The following CCDC178 variants were observed in gnomAD, a reference collection of about 807,000 sequenced individuals.
The protein encoded by CCDC178 is coiled-coil domain-containing protein 178.
Under a neutral mutation model 117.4 loss-of-function variants are expected in CCDC178, and 126 were observed. That is an observed-to-expected ratio of 1.07 (90% CI 0.93 to 1.24). CCDC178 has a LOEUF of 1.24. Ranked by LOEUF, CCDC178 falls within the 50% of genes most tolerant of loss-of-function variation. CCDC178 has a pLI of 0.00. For synonymous variants in CCDC178, 283 were observed against 313.4 expected, an observed-to-expected ratio of 0.90 and a Z score of 1.02; for missense variants, 1,030 against 986.9, an observed-to-expected ratio of 1.04 and a Z score of -0.59.
chr18:33,020,312 C>T (rs1005302490), intron 21 of CCDC178, among the ~76,000 whole-genome samples: 15 of 151,824 alleles, frequency 9.9e-5, no homozygotes, highest in Non-Finnish European at 1.3e-4. Context: ...TGTTGTTCTC[C>T]GTTAAACAAA....
intron 14 of CCDC178, among the ~76,000 whole-genome samples, chr18:33,263,070 G>C (rs975798822): frequency 2.0e-5 from 3 of 152,076 alleles, no homozygotes; most frequent in Admixed American, 6.6e-5. Context: ...AACCTCCCTA[G>C]TAATCAAATA....
intron 11 of CCDC178, among the ~76,000 whole-genome samples, chr18:33,296,870 C>T (rs1477451945): frequency 6.6e-6 from 1 of 151,928 alleles, no homozygotes; most frequent in African/African-American, 2.4e-5. Context: ...ACTAAAAATA[C>T]AAAATTAGCC....
At chr18:32,978,080 C>T (rs933624821) in intron 21 of CCDC178, among the ~76,000 whole-genome samples, 2 of 151,826 alleles carry the variant, frequency 1.3e-5, no homozygotes, top group South Asian at 2.1e-4. Flanking sequence ...ATTCAGTTGT[C>T]TGTATTCTAG....
At chr18:33,303,693 C>T (rs1463697436) in intron 11 of CCDC178, among the ~76,000 whole-genome samples, 1 of 150,980 alleles carries the variant, frequency 6.6e-6, no homozygotes, top group Non-Finnish European at 1.5e-5. Context: ...AAAAAAAAAA[C>T]TATGAAAAAA....
chr18:33,222,284 CTTCCTTCCTTCCT>C lies in CCDC178; in HGVS notation c.1932+809_1932+821del, dbSNP rs1316616530. On this transcript the variant is annotated intron_variant, in intron 18 of 22. Transcript: ENST00000383096. ...TCCTGCCTCCTTCCTTCTTTCCTTC[CTTCCTTCCTTCCT>C]TTCCTTCCTTCCTCCCTTCTTCCCT... Among the ~76,000 whole-genome samples, 20 of 148,736 alleles carry C rather than the reference CTTCCTTCCTTCCT, an allele frequency of 1.3e-4. No homozygotes were observed. In the East Asian group the frequency reaches 3.4e-3, roughly 25 times the overall value.
At chr18:32,972,229 CT>C in intron 22 of CCDC178, among the ~76,000 whole-genome samples, 1 of 152,230 alleles carries the variant, frequency 6.6e-6, no homozygotes, top group African/African-American at 2.4e-5. Context: ...TTTCAGTTTT[CT>C]GCATATGGCT....
chr18:33,202,346 T>G (rs1048099579), intron 20 of CCDC178, among the ~76,000 whole-genome samples: 1 of 121,388 alleles, frequency 8.2e-6, no homozygotes, highest in African/African-American at 3.3e-5. Context: ...TGAGCCGAGA[T>G]CGCGCCACTG....
intron 11 of CCDC178, among the ~76,000 whole-genome samples, chr18:33,315,133 C>T (rs1171610454): frequency 6.6e-6 from 1 of 152,228 alleles, no homozygotes; most frequent in Non-Finnish European, 1.5e-5. Context: ...TCTGCAACCT[C>T]ACAACAGGTA....
chr18:33,193,533 T>G (rs2058888666), intron 20 of CCDC178, among the ~76,000 whole-genome samples: 1 of 152,218 alleles, frequency 6.6e-6, no homozygotes, highest in Admixed American at 6.5e-5. Flanking sequence ...TAACTCCACA[T>G]TGTACAAAAC....
At chr18:32,994,847 A>AT (rs1382849230) in intron 21 of CCDC178, among the ~76,000 whole-genome samples, 2 of 152,228 alleles carry the variant, frequency 1.3e-5, no homozygotes, top group Non-Finnish European at 2.9e-5. Context: ...TGTGAAAGGG[A>AT]TAAAAATAAG....
rs548848704 is a variant in CCDC178 at position 33,361,429 on chromosome 18, GACA to G, written c.349-5086_349-5084del. ...GGAAAAGCTCCTTCACATTGGTCTT[GACA>G]ACAACTTTTGGGAATCACACCAAAA... On this transcript the variant is annotated intron_variant, in intron 6 of 22. Coordinates refer to ENST00000383096, the MANE Select transcript of CCDC178 (RefSeq NM_001105528.4). Among the ~76,000 whole-genome samples the G allele has an allele frequency of 1.6e-3, 245 of 151,582 alleles. 1 individual carries two copies. Among genetic ancestry groups the G allele is most frequent in the South Asian group, 3.1e-3 (15 of 4,820 alleles).
intron 20 of CCDC178, among the ~76,000 whole-genome samples, chr18:33,096,119 C>CA (rs1445515484): frequency 6.6e-6 from 1 of 150,454 alleles, no homozygotes; most frequent in Non-Finnish European, 1.5e-5. Context: ...ACTCCCCACC[C>CA]CCCCCACTTG....
chr18:33,342,108 T>C lies in CCDC178; in HGVS notation c.658+4103A>G, dbSNP rs574490943. 2.6e-5 allele frequency among the ~76,000 whole-genome samples: 4 copies of C among 152,302 alleles called. No homozygotes were observed. In the South Asian group the frequency reaches 8.3e-4, roughly 32 times the overall value. On this transcript the variant is annotated intron_variant, in intron 9 of 22. Transcript: ENST00000383096. ...AGAGGCAAAAAGTAATCAAGGCTTA[T>C]TGGACTTCTACAGAATAAATAATTA...
chr18:33,160,125 G>T (rs2058444731), intron 20 of CCDC178, among the ~76,000 whole-genome samples: 2 of 152,090 alleles, frequency 1.3e-5, no homozygotes, highest in Non-Finnish European at 2.9e-5. Flanking sequence ...TTACTTCCAT[G>T]TTTCTGTACA....
chr18:33,247,629 GTGTA>G (rs1183494956), intron 14 of CCDC178, among the ~76,000 whole-genome samples: 1 of 151,838 alleles, frequency 6.6e-6, no homozygotes, highest in Non-Finnish European at 1.5e-5. Context: ...TCTATACATA[GTGTA>G]TGTATACTTT....
intron 20 of CCDC178, among the ~76,000 whole-genome samples, chr18:33,175,364 T>C (rs781519646): frequency 8.5e-5 from 13 of 152,078 alleles, no homozygotes; most frequent in South Asian, 2.1e-4. Flanking sequence ...AAAGTTGTTA[T>C]TGCAGTTTTG....
At chr18:33,365,600 A>T (rs1377227334) in intron 6 of CCDC178, among the ~76,000 whole-genome samples, 2 of 152,098 alleles carry the variant, frequency 1.3e-5, no homozygotes, top group East Asian at 3.9e-4. Flanking sequence ...CATTTTATAA[A>T]TATTAGCTTT....
intron 21 of CCDC178, among the ~76,000 whole-genome samples, chr18:33,037,809 T>TA (rs1215931420): frequency 6.6e-6 from 1 of 151,952 alleles, no homozygotes; most frequent in Admixed American, 6.6e-5. Flanking sequence ...TGACCATCAG[T>TA]AAAAATGACA....
At chr18:33,196,796 T>A (rs185032917) in intron 20 of CCDC178, among the ~76,000 whole-genome samples, 2 of 152,242 alleles carry the variant, frequency 1.3e-5, no homozygotes, top group Non-Finnish European at 2.9e-5. Flanking sequence ...GAGGTAATAG[T>A]TATGGTGTTG....
Sources: gnomAD v4.1 joint callset for allele counts (sites outside exome capture counted in the v4.1 genomes callset) on GRCh38, gnomAD v4.1.1 for gene constraint, MANE v1.5 for transcripts, NCBI Gene and HGNC (gene_info 2026-07-23, HGNC 2026-07-21) for gene names.